Variants in AFG1L observed in about 807,000 individuals in gnomAD.
The protein encoded by AFG1L is AFG1 like ATPase, also known as AFG1-like ATPase.
AFG1L carries 53 observed loss-of-function variants against 62.2 expected under a neutral mutation model. The observed-to-expected ratio is 0.85, with a 90% CI of 0.68 to 1.07. The LOEUF (loss-of-function observed/expected upper bound fraction) is 1.07, where lower values mean the gene tolerates loss of function less well. AFG1L is among the 50% of genes least tolerant of loss of function. AFG1L has a pLI of 0.00. For missense variants in AFG1L, 555 were observed against 590.5 expected, an observed-to-expected ratio of 0.94 and a Z score of 0.62; for synonymous variants, 228 against 210.3, an observed-to-expected ratio of 1.08 and a Z score of -0.73.
At chr6:108,338,488 T>G (rs1352748274) in intron 2 of AFG1L, among the ~76,000 whole-genome samples, 1 of 151,958 alleles carries the variant, frequency 6.6e-6, no homozygotes, top group Middle Eastern at 3.2e-3. Context: ...CAAACTTTTT[T>G]TTGTTGTTTT....
chr6:108,441,843 A>C (rs1362482601), intron 7 of AFG1L, among the ~76,000 whole-genome samples: 1 of 151,998 alleles, frequency 6.6e-6, no homozygotes, highest in Non-Finnish European at 1.5e-5. Context: ...GAATGTACAA[A>C]TGCAATCATT....
At chr6:108,514,282 C>A (rs963437350) in intron 11 of AFG1L, among the ~76,000 whole-genome samples, 1 of 152,112 alleles carries the variant, frequency 6.6e-6, no homozygotes, top group Non-Finnish European at 1.5e-5. Context: ...GGAAGCCCAT[C>A]AGACTAACAG....
intron 6 of AFG1L, among the ~76,000 whole-genome samples, chr6:108,397,349 A>T (rs1407824084): frequency 6.6e-6 from 1 of 152,188 alleles, no homozygotes; most frequent in Non-Finnish European, 1.5e-5. Flanking sequence ...GCTGGTCTCG[A>T]ACTCCTGACC....
chr6:108,487,862 C>A (rs1349088064), intron 10 of AFG1L, among the ~76,000 whole-genome samples: 1 of 152,152 alleles, frequency 6.6e-6, no homozygotes. Context: ...AAACAGATCT[C>A]GGACAGATTC....
intron 11 of AFG1L, among the ~76,000 whole-genome samples, chr6:108,518,349 A>G (rs1774983930): frequency 6.6e-6 from 1 of 152,144 alleles, no homozygotes; most frequent in Non-Finnish European, 1.5e-5. Context: ...TGTCCTTTGT[A>G]GGGACATGGA....
intron 1 of AFG1L, among the ~76,000 whole-genome samples, chr6:108,302,757 C>T (rs577682373): frequency 1.3e-5 from 2 of 152,268 alleles, no homozygotes; most frequent in African/African-American, 4.8e-5. Flanking sequence ...CAATTGTGCC[C>T]TGTTACAAAT....
chr6:108,416,991 G>A (rs1770326501), intron 7 of AFG1L, among the ~76,000 whole-genome samples: 1 of 151,738 alleles, frequency 6.6e-6, no homozygotes, highest in Non-Finnish European at 1.5e-5. Context: ...TAATCCCAGT[G>A]CTTTGGGAGA....
At chr6:108,381,698 A>G (rs1389505000) in intron 6 of AFG1L, among the ~76,000 whole-genome samples, 1 of 152,266 alleles carries the variant, frequency 6.6e-6, no homozygotes, top group Non-Finnish European at 1.5e-5. Flanking sequence ...TGTTAATTTC[A>G]TGACATTCCA....
chr6:108,479,143 C>T (rs779798312), intron 10 of AFG1L, among the ~76,000 whole-genome samples: 6 of 152,124 alleles, frequency 3.9e-5, no homozygotes, highest in Middle Eastern at 3.4e-3. Flanking sequence ...AGGCACACAA[C>T]GCCATGCTTG....
intron 12 of AFG1L, 123 bp downstream of exon 12, chr6:108,519,933 T>A: frequency 3.6e-6 from 2 of 552,002 alleles, no homozygotes; most frequent in Non-Finnish European, 6.3e-6. Flanking sequence ...GCGCTTCTTC[T>A]ATAAGCCCAT....
At chr6:108,494,539 T>C (rs150938109) in intron 10 of AFG1L, among the ~76,000 whole-genome samples, 35 of 152,046 alleles carry the variant, frequency 2.3e-4, no homozygotes, top group African/African-American at 7.7e-4. Flanking sequence ...ATTGAGACTG[T>C]GTAAATCAAA....
intron 7 of AFG1L, among the ~76,000 whole-genome samples, chr6:108,402,274 C>T (rs1231200739): frequency 6.6e-6 from 1 of 151,960 alleles, no homozygotes; most frequent in Non-Finnish European, 1.5e-5. Flanking sequence ...ACCAACCTGA[C>T]CAACATGGTG....
intron 7 of AFG1L, among the ~76,000 whole-genome samples, chr6:108,445,307 C>A (rs766753644): frequency 1.3e-5 from 2 of 152,182 alleles, no homozygotes; most frequent in Non-Finnish European, 2.9e-5. Flanking sequence ...CTATCCAGAT[C>A]ACTCAAACTT....
rs1413728836 is a variant in AFG1L at position 108,445,888 on chromosome 6, TAC to T, written c.808-1324_808-1323del. Among the ~76,000 whole-genome samples, 4 of 152,118 alleles carry T rather than the reference TAC, an allele frequency of 2.6e-5. No individual in the cohort carries two copies. In the South Asian group the frequency reaches 8.3e-4, roughly 32 times the overall value. ...TACTACAAGAATTACCAAAATGTGA[TAC>T]AGAGACACAAAGTGAGCACATGCTG... On this transcript the variant is annotated intron_variant, in intron 7 of 12. Transcript: ENST00000368977.
chr6:108,502,096 G>A (rs1364657387), intron 10 of AFG1L, among the ~76,000 whole-genome samples: 1 of 152,012 alleles, frequency 6.6e-6, no homozygotes, highest in African/African-American at 2.4e-5. Context: ...GCGTGATCTC[G>A]GCTCACTGCA....
chr6:108,441,404 T>C (rs1771539705), intron 7 of AFG1L, among the ~76,000 whole-genome samples: 1 of 152,170 alleles, frequency 6.6e-6, no homozygotes, highest in African/African-American at 2.4e-5. Flanking sequence ...ATTTTCTAAT[T>C]GCATTTTTTT....
intron 10 of AFG1L, among the ~76,000 whole-genome samples, chr6:108,494,177 C>T (rs1213869600): frequency 6.6e-6 from 1 of 152,030 alleles, no homozygotes; most frequent in African/African-American, 2.4e-5. Flanking sequence ...TCCCCGCTCC[C>T]CCTGCTCCCC....
chr6:108,473,995 A>AC (rs1773011553), intron 8 of AFG1L, among the ~76,000 whole-genome samples: 1 of 152,172 alleles, frequency 6.6e-6, no homozygotes, highest in African/African-American at 2.4e-5. Flanking sequence ...ATTAAGCCCC[A>AC]CATGCATTAG....
chr6:108,336,635 C>T (rs1173674635), intron 2 of AFG1L, among the ~76,000 whole-genome samples: 1 of 152,166 alleles, frequency 6.6e-6, no homozygotes, highest in Non-Finnish European at 1.5e-5. Context: ...GTCTACAATA[C>T]AAATATGCAG....
Sources: allele counts gnomAD v4.1 joint callset (sites outside exome capture counted in the v4.1 genomes callset), GRCh38; gene constraint gnomAD v4.1.1; transcripts MANE v1.5; gene names NCBI Gene and HGNC (gene_info 2026-07-23, HGNC 2026-07-21).